Variants in SRBD1 observed in about 807,000 individuals in gnomAD.
The protein encoded by SRBD1 is S1 RNA-binding domain-containing protein 1.
SRBD1 carries 88 observed loss-of-function variants against 115.3 expected under a neutral mutation model. The observed-to-expected ratio is 0.76, with a 90% CI of 0.64 to 0.91. The LOEUF (loss-of-function observed/expected upper bound fraction) is 0.91, where lower values mean the gene tolerates loss of function less well. SRBD1 is among the 40% of genes least tolerant of loss of function. The pLI, the probability that SRBD1 is intolerant of heterozygous loss-of-function variation, is 0.00. For synonymous variants in SRBD1, 509 were observed against 407.7 expected, an observed-to-expected ratio of 1.25 and a Z score of -2.99; for missense variants, 1,385 against 1,177.4, an observed-to-expected ratio of 1.18 and a Z score of -2.58.
intron 18 of SRBD1, among the ~76,000 whole-genome samples, chr2:45,414,140 T>C (rs1053305930): frequency 6.6e-6 from 1 of 152,152 alleles, no homozygotes; most frequent in African/African-American, 2.4e-5. Flanking sequence ...ATCTTAAAGT[T>C]TCTGAGAGAA....
intron 15 of SRBD1, among the ~76,000 whole-genome samples, chr2:45,481,795 C>T (rs1221577986): frequency 6.6e-6 from 1 of 152,094 alleles, no homozygotes; most frequent in Non-Finnish European, 1.5e-5. Context: ...AAATGAAGTG[C>T]TGATACATGC....
chr2:45,524,282 C>T (rs1167826579), intron 14 of SRBD1, among the ~76,000 whole-genome samples: 2 of 151,920 alleles, frequency 1.3e-5, no homozygotes, highest in East Asian at 3.9e-4. Flanking sequence ...TTCAACACTG[C>T]ATTGAAGCTT....
intron 16 of SRBD1, among the ~76,000 whole-genome samples, chr2:45,472,444 T>C (rs989363787): frequency 6.6e-6 from 1 of 152,216 alleles, no homozygotes; most frequent in Non-Finnish European, 1.5e-5. Flanking sequence ...ATGAATTGTA[T>C]GATGTGCAAT....
chr2:45,518,004 AATG>A (rs1226672744), intron 14 of SRBD1, among the ~76,000 whole-genome samples: 1 of 152,134 alleles, frequency 6.6e-6, no homozygotes, highest in Non-Finnish European at 1.5e-5. Context: ...CTCAAAAAAT[AATG>A]ATGATGATGA....
chr2:45,427,658 C>T (rs894794442), intron 16 of SRBD1, among the ~76,000 whole-genome samples: 6 of 152,028 alleles, frequency 3.9e-5, no homozygotes, highest in African/African-American at 1.4e-4. Context: ...AGAAACACAA[C>T]AAAAAAAGAA....
intron 16 of SRBD1, among the ~76,000 whole-genome samples, chr2:45,455,213 A>G (rs976327398): frequency 1.3e-5 from 2 of 151,960 alleles, no homozygotes; most frequent in African/African-American, 4.8e-5. Context: ...TAATATTAGT[A>G]AATTTCTATA....
At chr2:45,506,376 T>C (rs1466088134) in intron 14 of SRBD1, among the ~76,000 whole-genome samples, 2 of 152,208 alleles carry the variant, frequency 1.3e-5, no homozygotes, top group African/African-American at 2.4e-5. Flanking sequence ...GCCAGGACTT[T>C]ACTTGTATTT....
At chr2:45,509,475 A>G (rs1670897378) in intron 14 of SRBD1, among the ~76,000 whole-genome samples, 1 of 151,918 alleles carries the variant, frequency 6.6e-6, no homozygotes, top group Non-Finnish European at 1.5e-5. Context: ...GGGCGCCTGC[A>G]GTCCCAGCTA....
At chr2:45,493,095 T>C (rs1333499241) in intron 14 of SRBD1, among the ~76,000 whole-genome samples, 2 of 152,152 alleles carry the variant, frequency 1.3e-5, no homozygotes, top group African/African-American at 2.4e-5. Context: ...CTATCAAAAA[T>C]GAAGGTATTA....
At chr2:45,550,454 C>T (rs1476741020) in intron 12 of SRBD1, among the ~76,000 whole-genome samples, 5 of 148,740 alleles carry the variant, frequency 3.4e-5, no homozygotes, top group Non-Finnish European at 7.4e-5. Context: ...TAACAAATAA[C>T]CACAGTTTGG....
intron 16 of SRBD1, among the ~76,000 whole-genome samples, chr2:45,451,695 T>A (rs991391806): frequency 2.0e-5 from 3 of 151,824 alleles, no homozygotes; most frequent in African/African-American, 7.3e-5. Flanking sequence ...TTTTTTTTTT[T>A]TAACATTACA....
At chr2:45,564,703 C>T (rs767307949) in intron 9 of SRBD1, among the ~76,000 whole-genome samples, 34 of 152,234 alleles carry the variant, frequency 2.2e-4, no homozygotes, top group Middle Eastern at 3.4e-3. Flanking sequence ...ACAACTTACA[C>T]GGTTGACCTT....
At chr2:45,590,433 G>C (rs1436974578) in intron 4 of SRBD1, among the ~76,000 whole-genome samples, 1 of 152,162 alleles carries the variant, frequency 6.6e-6, no homozygotes. Context: ...GATATGGTTT[G>C]GCTCTGTGTC....
intron 16 of SRBD1, among the ~76,000 whole-genome samples, chr2:45,467,678 C>T (rs770034305): frequency 1.3e-5 from 2 of 151,958 alleles, no homozygotes; most frequent in Non-Finnish European, 2.9e-5. Flanking sequence ...CATTTGACTT[C>T]GTGCAACATT....
chr2:45,446,770 G>A (rs1348366908), intron 16 of SRBD1, among the ~76,000 whole-genome samples: 6 of 151,172 alleles, frequency 4.0e-5, no homozygotes, highest in Non-Finnish European at 4.4e-5. Flanking sequence ...TAAAAACATA[G>A]GTCGCTCTCA....
intron 1 of SRBD1, among the ~76,000 whole-genome samples, chr2:45,608,903 G>A (rs1674356591): frequency 6.6e-6 from 1 of 151,836 alleles, no homozygotes; most frequent in Non-Finnish European, 1.5e-5. Context: ...TGCCTCCCAG[G>A]TTCAAGCAAT....
intron 14 of SRBD1, among the ~76,000 whole-genome samples, chr2:45,520,522 C>CCAT (rs1671250511): frequency 6.6e-6 from 1 of 152,222 alleles, no homozygotes; most frequent in Non-Finnish European, 1.5e-5. Context: ...ACCTGGATAT[C>CCAT]CATGGCCCTA....
At chr2:45,556,294 A>G (rs1167330851) in intron 10 of SRBD1, among the ~76,000 whole-genome samples, 1 of 152,178 alleles carries the variant, frequency 6.6e-6, no homozygotes, top group Non-Finnish European at 1.5e-5. Context: ...ACCTTTTTTC[A>G]ATGAAACAAA....
At chr2:45,447,883 T>A (rs1036651991) in intron 16 of SRBD1, 42 of 152,298 alleles carry the variant, frequency 2.8e-4, no homozygotes, top group African/African-American at 9.1e-4. Flanking sequence ...GTTTCCATAG[T>A]AAACAGTATT....
Sources: allele counts gnomAD v4.1 joint callset (sites outside exome capture counted in the v4.1 genomes callset), GRCh38; gene constraint gnomAD v4.1.1; transcripts MANE v1.5; gene names NCBI Gene and HGNC (gene_info 2026-07-23, HGNC 2026-07-21).